ZNF544: variants seen among roughly 807,000 people sequenced by gnomAD.
The protein encoded by ZNF544 is zinc finger protein AF020591.
In ZNF544, 10 loss-of-function variants were observed where a neutral mutation model predicts 13.5. The observed-to-expected ratio is 0.74, with a 90% CI of 0.46 to 1.25. ZNF544 has a LOEUF of 1.25. ZNF544 is among the 50% of genes most tolerant of loss of function. The pLI is 0.00. For synonymous variants in ZNF544, 323 were observed against 300.5 expected (o/e 1.07, Z -0.77); for missense variants, 896 against 845.6 (o/e 1.06, Z -0.74).
chr19:58,274,803 T>G (rs1174219629), intron 5 of ZNF544, among the ~76,000 whole-genome samples: 1 of 152,170 alleles, frequency 6.6e-6, no homozygotes, highest in Non-Finnish European at 1.5e-5. Flanking sequence ...CCATTGCATC[T>G]GTTACAATAT....
chr19:58,230,359 G>A (rs1022421908), intron 2 of ZNF544, 35 bp from the exon 3 acceptor site: 3 of 152,236 alleles, frequency 2.0e-5, no homozygotes, highest in African/African-American at 7.2e-5. Flanking sequence ...AATTCTTTTA[G>A]CATCCTCACA....
At chr19:58,234,263 C>G (rs977211805) in intron 3 of ZNF544, among the ~76,000 whole-genome samples, 8 of 152,254 alleles carry the variant, frequency 5.3e-5, no homozygotes, top group Non-Finnish European at 1.2e-4. Context: ...GTTCCAGTCT[C>G]TGGGGTGAGG....
intron 3 of ZNF544, among the ~76,000 whole-genome samples, chr19:58,240,910 T>C: frequency 6.6e-6 from 1 of 151,102 alleles, no homozygotes; most frequent in Non-Finnish European, 1.5e-5. Context: ...GGGGTAGGGG[T>C]CATTTTTTTC....
chr19:58,263,295 T>C lies in ZNF544; in HGVS notation c.*541T>C. 1 of 606,362 alleles carries C rather than the reference T, an allele frequency of 1.6e-6. No homozygotes were observed. The highest frequency in any genetic ancestry group is 1.9e-6 in the Non-Finnish European group (1 of 536,128). The allele number at this position is 606,362 out of a possible 1,614,324, so 37.6% of individuals were successfully genotyped here. A position where few individuals can be genotyped will look rare whatever the true frequency, so the allele number is the denominator to read the frequency against. On this transcript the variant is annotated 3_prime_UTR_variant, in exon 7 of 7. Coordinates refer to ENST00000687789, the MANE Select transcript of ZNF544 (RefSeq NM_014480.4). Reference sequence around the variant, plus strand: ...GGGTAACATGGCAAAATCCTGTCTTTACAAAAAATACAAAAATTAGCCTAG... The same window carrying C: ...GGGTAACATGGCAAAATCCTGTCTTCACAAAAAATACAAAAATTAGCCTAG...
chr19:58,272,454 G>A (rs1157656987), intron 5 of ZNF544, among the ~76,000 whole-genome samples: 1 of 152,086 alleles, frequency 6.6e-6, no homozygotes, highest in Non-Finnish European at 1.5e-5. Context: ...CTACTCAGGA[G>A]GCTGAGGTGT....
At chr19:58,250,753 T>TTAGTA (rs553913303) in intron 6 of ZNF544, among the ~76,000 whole-genome samples, 57 of 152,340 alleles carry the variant, frequency 3.7e-4, no homozygotes, top group Middle Eastern at 6.8e-3. Context: ...GAAGGTTTAC[T>TTAGTA]GCTTGTCCTG....
intron 6 of ZNF544, among the ~76,000 whole-genome samples, chr19:58,254,627 A>G (rs1156337220): frequency 2.6e-5 from 4 of 152,118 alleles, no homozygotes; most frequent in Non-Finnish European, 4.4e-5. Context: ...GTGCTGCTTT[A>G]TATGTTTTCC....
At chr19:58,237,145 G>A (rs1209975323) in intron 3 of ZNF544, among the ~76,000 whole-genome samples, 1 of 148,388 alleles carries the variant, frequency 6.7e-6, no homozygotes, top group African/African-American at 2.5e-5. Flanking sequence ...GCTCACTGCA[G>A]CGTCTGTTCC....
chr19:58,274,863 TGA>T (rs999431592), intron 5 of ZNF544, among the ~76,000 whole-genome samples: 6 of 151,784 alleles, frequency 4.0e-5, no homozygotes, highest in African/African-American at 1.5e-4. Flanking sequence ...CCTATGAAAA[TGA>T]GAGAGGAATA....
At position 58,262,111 on chromosome 19, in the gene ZNF544, G is replaced by T. The variant is rs1260807761; in HGVS notation, c.1505G>T (p.Ser502Ile). The change falls in exon 7 of 7, where the codon AGC (serine) becomes ATC (isoleucine). Residue 502 changes from serine (S) to isoleucine (I), a missense_variant. Coordinates refer to ENST00000687789, the MANE Select transcript of ZNF544 (RefSeq NM_014480.4). ...FKCTQCGKSFSQKYDLVVHQR... is the reference protein window; with the variant it reads ...FKCTQCGKSFIQKYDLVVHQR... ...TGTACTCAGTGTGGGAAATCTTTCA[G>T]CCAGAAGTATGACCTTGTTGTACAT... The T allele has an allele frequency of 6.2e-7, 1 of 1,611,496 alleles. No homozygotes were observed. The highest frequency in any genetic ancestry group is 8.5e-7 in the Non-Finnish European group (1 of 1,179,560).
At chr19:58,241,383 A>G (rs1157213809) in intron 3 of ZNF544, among the ~76,000 whole-genome samples, 1 of 150,950 alleles carries the variant, frequency 6.6e-6, no homozygotes. Flanking sequence ...TCTGTCTTGC[A>G]AGTTGAATAT....
intron 3 of ZNF544, among the ~76,000 whole-genome samples, chr19:58,238,931 A>G (rs2042989800): frequency 6.6e-6 from 1 of 151,368 alleles, no homozygotes; most frequent in Non-Finnish European, 1.5e-5. Flanking sequence ...CAGGGAGGGG[A>G]CACAGGACAC....
intron 6 of ZNF544, chr19:58,277,045 G>C: frequency 2.2e-6 from 1 of 463,506 alleles, no homozygotes; most frequent in Non-Finnish European, 3.5e-6. Context: ...TAAAGTATCA[G>C]TCTGATTATG....
chr19:58,277,183 G>A, exon 7 of ZNF544: 1 of 1,231,686 alleles, frequency 8.1e-7, no homozygotes, highest in East Asian at 3.2e-5. Context: ...TCCTTCTCAG[G>A]AACGAGGCCC....
In ZNF544 at chr19:58,262,636, C is replaced by T. The variant is rs1175558059; in HGVS notation, c.2030C>T (p.Ser677Phe). Residue 677 changes from serine to phenylalanine, a missense_variant, in exon 7 of 7, where the codon TCC (serine) becomes TTC (phenylalanine). Physicochemically the swap from Ser to Phe is radical, Grantham distance 155. Transcript: ENST00000687789. ...KAFSGSSNLL[S>F]HHRIHSGEKP... ...TTTTCAGGGAGCTCTAACCTTCTTT[C>T]CCATCACAGAATTCATTCTGGAGAG... is the stretch of plus-strand genomic sequence containing the variant. 2.5e-6 allele frequency: 4 copies of T among 1,614,032 alleles called. No homozygotes were observed. The highest frequency in any genetic ancestry group is 1.1e-5 in the South Asian group (1 of 91,066).
intron 3 of ZNF544, among the ~76,000 whole-genome samples, chr19:58,239,898 C>CA (rs58006684): frequency 0.2 from 25,294 of 127,056 alleles, 2,536 homozygotes; most frequent in East Asian, 0.37. Context: ...GACTCCATCT[C>CA]AAAAAAAAAA....
Position 58,274,083 on chromosome 19 carries a change from C to A in ZNF544, c.245-2240C>A, listed in dbSNP as rs575445663. ...TGCTGGGATTACAAGTGTGAGCCAC[C>A]GTGCCCGGCTCCTAAACAGTTTTTG... On this transcript the variant is annotated intron_variant, in intron 5 of 6. Transcript: ENST00000595981. Among the ~76,000 whole-genome samples, 5 of 152,168 alleles carry A rather than the reference C, an allele frequency of 3.3e-5. 1 individual carries two copies. The South Asian group carries it at 1.0e-3, about 32-fold the overall frequency.
intron 6 of ZNF544, among the ~76,000 whole-genome samples, chr19:58,254,247 C>T (rs958677039): frequency 6.6e-6 from 1 of 151,978 alleles, no homozygotes; most frequent in Non-Finnish European, 1.5e-5. Context: ...AACAGCAGCA[C>T]AAATGCCTGG....
At chr19:58,229,132 C>G (rs902794703) in intron 1 of ZNF544, 186 bp downstream of exon 1, 10 of 152,324 alleles carry the variant, frequency 6.6e-5, no homozygotes, top group African/African-American at 1.9e-4. Context: ...CGGGATCTCT[C>G]CGGCCTCAGG....
Sources: allele counts gnomAD v4.1 joint callset (sites outside exome capture counted in the v4.1 genomes callset), GRCh38; gene constraint gnomAD v4.1.1; transcripts MANE v1.5; gene names NCBI Gene and HGNC (gene_info 2026-07-23, HGNC 2026-07-21).